The following SYN3 variants were observed in gnomAD, a reference collection of about 807,000 sequenced individuals.
SYN3 encodes the protein synapsin-3.
Under a neutral mutation model 65.8 loss-of-function variants are expected in SYN3, and 35 were observed. The observed-to-expected ratio is 0.53, with a 90% confidence interval of 0.41 to 0.70. The LOEUF (loss-of-function observed/expected upper bound fraction) is 0.70, where lower values mean the gene tolerates loss of function less well. Ranked by LOEUF, SYN3 falls within the 30% of genes least tolerant of loss-of-function variation. The probability of loss-of-function intolerance (pLI) is 0.00; values close to 1 mark genes in which losing one functional copy is unlikely to be tolerated. For synonymous variants in SYN3, 270 were observed against 292.9 expected (o/e 0.92, Z 0.80); for missense variants, 680 against 749.0 (o/e 0.91, Z 1.08).
intron 1 of SYN3, among the ~76,000 whole-genome samples, chr22:33,029,879 C>G (rs1273712808): frequency 2.6e-5 from 4 of 152,160 alleles, no homozygotes; most frequent in African/African-American, 9.7e-5. Context: ...TATACAGAGG[C>G]ACTTATAGCT....
intron 6 of SYN3, among the ~76,000 whole-genome samples, chr22:32,812,004 G>C (rs2046928957): frequency 6.6e-6 from 1 of 152,214 alleles, no homozygotes; most frequent in African/African-American, 2.4e-5. Context: ...GTGGCATGGA[G>C]GAGGAGCACT....
At chr22:32,806,931 T>C (rs532187312) in intron 6 of SYN3, among the ~76,000 whole-genome samples, 7 of 152,232 alleles carry the variant, frequency 4.6e-5, no homozygotes, top group African/African-American at 1.7e-4. Context: ...TAGTAGTTTT[T>C]CCCTTAGAAA....
intron 6 of SYN3, among the ~76,000 whole-genome samples, chr22:32,855,956 T>C (rs1356737303): frequency 6.6e-6 from 1 of 152,232 alleles, no homozygotes; most frequent in African/African-American, 2.4e-5. Context: ...ATGTGCTTCA[T>C]CTGGGATAAA....
chr22:32,987,903 T>C (rs2052575958), intron 2 of SYN3, among the ~76,000 whole-genome samples: 1 of 152,134 alleles, frequency 6.6e-6, no homozygotes, highest in Non-Finnish European at 1.5e-5. Flanking sequence ...AATAAATAAA[T>C]AAACAGATAA....
chr22:33,007,675 A>T (rs2053230674), intron 1 of SYN3, among the ~76,000 whole-genome samples: 1 of 152,232 alleles, frequency 6.6e-6, no homozygotes, highest in Admixed American at 6.5e-5. Flanking sequence ...CACCAGAACC[A>T]GGCAAAGCTG....
chr22:33,024,287 T>A (rs114043298), intron 1 of SYN3, among the ~76,000 whole-genome samples: 1,822 of 152,330 alleles, frequency 0.012, 18 homozygotes, highest in Middle Eastern at 0.037. Context: ...ATGGCTTTTT[T>A]AATGTAAGCA....
At chr22:32,580,924 C>T (rs886148834) in intron 7 of SYN3, among the ~76,000 whole-genome samples, 3 of 152,138 alleles carry the variant, frequency 2.0e-5, no homozygotes, top group African/African-American at 7.2e-5. Flanking sequence ...CCCAGGCAGG[C>T]GGGACTGCAG....
At chr22:32,965,564 GTGTGTGTGTGTGCATGCT>G (rs1468095674) in intron 3 of SYN3, among the ~76,000 whole-genome samples, 1 of 151,914 alleles carries the variant, frequency 6.6e-6, no homozygotes, top group Non-Finnish European at 1.5e-5. Context: ...GTGTGTGTGT[GTGTGTGTGTGTGCATGCT>G]TGTGTGTGTG....
At position 32,526,136 on chromosome 22, in the gene SYN3, G is replaced by A. The variant is rs114382858; in HGVS notation, c.1318+1782C>T. Among the ~76,000 whole-genome samples the A allele has an allele frequency of 4.6e-3, 699 of 152,236 alleles. 10 individuals are homozygous for A. Among genetic ancestry groups the A allele is most frequent in the African/African-American group, 0.016 (680 of 41,520 alleles). On this transcript the variant is annotated intron_variant, in intron 12 of 13. Coordinates refer to ENST00000358763, the MANE Select transcript of SYN3 (RefSeq NM_003490.4). ...TCAGACATAATGCTATTGTACTTAA[G>A]AGACTACAGTGTAGTGTAAACATAG... is the stretch of plus-strand genomic sequence containing the variant.
At chr22:32,970,092 G>A (rs1481543998) in intron 3 of SYN3, among the ~76,000 whole-genome samples, 1 of 152,198 alleles carries the variant, frequency 6.6e-6, no homozygotes, top group Non-Finnish European at 1.5e-5. Flanking sequence ...ACGTGAAGCT[G>A]ATCATAAAAA....
At chr22:32,585,196 T>C (rs928494315) in intron 7 of SYN3, among the ~76,000 whole-genome samples, 6 of 152,212 alleles carry the variant, frequency 3.9e-5, no homozygotes, top group African/African-American at 1.4e-4. Flanking sequence ...ACTATCCTCC[T>C]TCTCTTTCCT....
intron 6 of SYN3, among the ~76,000 whole-genome samples, chr22:32,766,330 A>G (rs2045626927): frequency 6.6e-6 from 1 of 152,200 alleles, no homozygotes; most frequent in Non-Finnish European, 1.5e-5. Flanking sequence ...AGAAACATGT[A>G]CAATTTTCTT....
chr22:32,996,932 A>G (rs1249782895), intron 2 of SYN3, among the ~76,000 whole-genome samples: 1 of 152,096 alleles, frequency 6.6e-6, no homozygotes, highest in East Asian at 1.9e-4. Context: ...GCACTGTAAC[A>G]TGGAGTGCTG....
intron 1 of SYN3, among the ~76,000 whole-genome samples, chr22:33,035,208 T>C (rs1228844126): frequency 6.6e-6 from 1 of 151,892 alleles, no homozygotes; most frequent in Admixed American, 6.6e-5. Context: ...GTAATAATAA[T>C]AATAATAGCA....
At chr22:32,561,939 G>A (rs2058592524) in intron 7 of SYN3, among the ~76,000 whole-genome samples, 1 of 152,144 alleles carries the variant, frequency 6.6e-6, no homozygotes, top group African/African-American at 2.4e-5. Flanking sequence ...TTTCTACTAG[G>A]TGATATATTT....
At chr22:32,572,971 T>A (rs2058799970) in intron 7 of SYN3, among the ~76,000 whole-genome samples, 1 of 152,206 alleles carries the variant, frequency 6.6e-6, no homozygotes, top group South Asian at 2.1e-4. Context: ...AGCAATGGTG[T>A]CCCGGAGCTG....
At chr22:32,603,356 C>CAAAAA (rs10670581) in intron 6 of SYN3, among the ~76,000 whole-genome samples, 7,669 of 125,730 alleles carry the variant, frequency 0.061, 281 homozygotes, top group Non-Finnish European at 0.079. Flanking sequence ...ACTAAAAATA[C>CAAAAA]AAAAAAAAAA....
chr22:32,630,093 C>T (rs1015085258), intron 6 of SYN3, among the ~76,000 whole-genome samples: 6 of 151,604 alleles, frequency 4.0e-5, no homozygotes, highest in African/African-American at 1.5e-4. Flanking sequence ...AAGCAATTCT[C>T]CTGCCTCAGC....
At chr22:32,820,879 T>G (rs182698737) in intron 6 of SYN3, among the ~76,000 whole-genome samples, 1 of 152,224 alleles carries the variant, frequency 6.6e-6, no homozygotes, top group Non-Finnish European at 1.5e-5. Flanking sequence ...GAGCAGAGTT[T>G]GCCAGATATT....
Sources: allele counts gnomAD v4.1 joint callset (sites outside exome capture counted in the v4.1 genomes callset), GRCh38; gene constraint gnomAD v4.1.1; transcripts MANE v1.5; gene names NCBI Gene and HGNC (gene_info 2026-07-23, HGNC 2026-07-21).